MROH9: variants seen among roughly 807,000 people sequenced by gnomAD.
The protein encoded by MROH9 is maestro heat like repeat family member 9, also known as maestro heat-like repeat-containing protein family member 9.
MROH9 carries 92 observed loss-of-function variants against 98.2 expected under a neutral mutation model. The ratio of observed to expected loss-of-function variants is 0.94; its 90% confidence interval spans 0.79 to 1.11. The LOEUF is 1.11. MROH9 is among the 50% of genes most tolerant of loss of function. The pLI is 0.00. For missense variants in MROH9, 1,057 were observed against 1,014.8 expected (o/e 1.04, Z -0.57); for synonymous variants, 397 against 368.9 (o/e 1.08, Z -0.87).
In MROH9 at chr1:171,016,470, A is replaced by G. The variant is rs895191277; in HGVS notation, c.1908+134A>G. The G allele has an allele frequency of 1.0e-4, 67 of 647,020 alleles. 1 individual carries two copies. The African/African-American group carries it at 1.2e-3, about 12-fold the overall frequency. The allele number at this position is 647,020 out of a possible 1,614,324, so 40.1% of individuals were successfully genotyped here. A position where few individuals can be genotyped will look rare whatever the true frequency, so the allele number is the denominator to read the frequency against. On this transcript the variant is annotated intron_variant, in intron 17 of 21. Coordinates refer to ENST00000367759, the MANE Select transcript of MROH9 (RefSeq NM_001163629.2). Reference sequence around the variant, plus strand: ...CACCATTTCTTTTACAGAGATAAAAATATTAGGTAAGTACTGGTCTTTTTT... The same window carrying G: ...CACCATTTCTTTTACAGAGATAAAAGTATTAGGTAAGTACTGGTCTTTTTT...
intron 2 of MROH9, 47 bp downstream of exon 2, chr1:170,945,628 A>G (rs1001021524): frequency 1.3e-6 from 2 of 1,555,444 alleles, no homozygotes; most frequent in Middle Eastern, 3.4e-4. Flanking sequence ...ATTTTTGTGT[A>G]TATGTGTGTG....
At chr1:170,963,011 T>A (rs545362041) in intron 6 of MROH9, among the ~76,000 whole-genome samples, 1 of 152,202 alleles carries the variant, frequency 6.6e-6, no homozygotes, top group African/African-American at 2.4e-5. Context: ...GAAGAGCTTC[T>A]GCCCAGCGAA....
At chr1:171,009,162 G>A (rs1417293909) in intron 15 of MROH9, among the ~76,000 whole-genome samples, 1 of 151,874 alleles carries the variant, frequency 6.6e-6, no homozygotes, top group Non-Finnish European at 1.5e-5. Context: ...GGATAGGGAT[G>A]GAAATGAGAC....
At chr1:171,040,870 AT>A (rs1653272948) in intron 20 of MROH9, among the ~76,000 whole-genome samples, 2 of 152,054 alleles carry the variant, frequency 1.3e-5, no homozygotes, top group Admixed American at 6.6e-5. Context: ...TCAATTGAAT[AT>A]TTTGGCTGAC....
intron 20 of MROH9, among the ~76,000 whole-genome samples, chr1:171,026,302 T>C (rs1203964024): frequency 6.6e-6 from 1 of 150,438 alleles, no homozygotes; most frequent in Non-Finnish European, 1.5e-5. Flanking sequence ...TAAGACAGAA[T>C]CTTGCTCTGT....
At chr1:171,062,995 A>G (rs971428696) in intron 21 of MROH9, among the ~76,000 whole-genome samples, 2 of 151,950 alleles carry the variant, frequency 1.3e-5, no homozygotes, top group Non-Finnish European at 2.9e-5. Context: ...TCACTCATCC[A>G]TTCATTCATT....
chr1:170,970,523 G>A (rs74123652), intron 7 of MROH9, among the ~76,000 whole-genome samples: 1,900 of 152,186 alleles, frequency 0.012, 30 homozygotes, highest in African/African-American at 0.043. Context: ...TAAGGGGAAG[G>A]ACCAGGCCAC....
rs1553219583 is a variant in MROH9, at chr1:171,024,303, G to GTGTGT, written c.1909-92_1909-91insTGTGT. Reference sequence around the variant, plus strand: ...ATACATATATAGTATATTTATATGGGGTGTGTGTGTGTGTGTGTGTGTGTG... The same window carrying GTGTGT: ...ATACATATATAGTATATTTATATGGGTGTGTGTGTGTGTGTGTGTGTGTGTGTGTG... On this transcript the variant is annotated intron_variant, in intron 17 of 21. Coordinates refer to ENST00000367759, the MANE Select transcript of MROH9 (RefSeq NM_001163629.2). The GTGTGT allele has an allele frequency of 4.0e-3, 2,685 of 669,734 alleles. 35 individuals carry two copies. In the African/African-American group the frequency reaches 0.041, roughly 10 times the overall value. 41.5% of individuals were successfully genotyped at this position (669,734 alleles called of 1,614,324 possible). A position where few individuals can be genotyped will look rare whatever the true frequency, so the allele number is the denominator to read the frequency against.
At position 171,016,329 on chromosome 1, in the gene MROH9, T is replaced by A; in HGVS notation, c.1901T>A (p.Met634Lys). 1 of 1,501,178 alleles carries A rather than the reference T, an allele frequency of 6.7e-7. No homozygotes were observed. Among genetic ancestry groups the A allele is most frequent in the Non-Finnish European group, 8.9e-7 (1 of 1,124,328 alleles). The allele number at this position is 1,501,178 out of a possible 1,614,324, so 93.0% of individuals were successfully genotyped here. Reference sequence around the variant, plus strand: ...ATTGGTTCCAGCTACTGTACTCTGATGGATCATGTGAGTTACACAGTTAGA... The same window carrying A: ...ATTGGTTCCAGCTACTGTACTCTGAAGGATCATGTGAGTTACACAGTTAGA... Reference protein sequence around the residue: ...TRIGSSYCTLMDHINGGIRSM... With the variant: ...TRIGSSYCTLKDHINGGIRSM... Residue 634 changes from methionine to lysine, a missense_variant, in exon 17 of 22, where the codon ATG becomes AAG. By Grantham distance (95) the Met-to-Lys change is moderately conservative (BLOSUM62 -1). Transcript: ENST00000367759.
chr1:170,945,175 T>C (rs1649276962), intron 1 of MROH9, among the ~76,000 whole-genome samples: 1 of 152,010 alleles, frequency 6.6e-6, no homozygotes, highest in East Asian at 1.9e-4. Context: ...TAATAGGTTC[T>C]TCAATCTGAC....
intron 20 of MROH9, among the ~76,000 whole-genome samples, chr1:171,041,624 TTAA>T (rs1419741651): frequency 6.6e-6 from 1 of 151,770 alleles, no homozygotes; most frequent in Non-Finnish European, 1.5e-5. Context: ...AGTTCTATTT[TTAA>T]TTATTTGAGA....
chr1:170,953,745 A>AAGAAAAGAAT (rs1649645001), intron 3 of MROH9, among the ~76,000 whole-genome samples: 1 of 151,316 alleles, frequency 6.6e-6, no homozygotes, highest in African/African-American at 2.4e-5. Flanking sequence ...AAGAAAAGAA[A>AAGAAAAGAAT]AGAAAAGAAA....
chr1:170,945,716 A>G (rs1649305683), intron 2 of MROH9, 135 bp downstream of exon 2: 1 of 698,174 alleles, frequency 1.4e-6, no homozygotes, highest in African/African-American at 1.9e-5. Flanking sequence ...TTTTTTCCCT[A>G]ATGCCCGTAG....
intron 20 of MROH9, among the ~76,000 whole-genome samples, chr1:171,058,632 G>A (rs1259417492): frequency 6.6e-6 from 1 of 152,098 alleles, no homozygotes; most frequent in Non-Finnish European, 1.5e-5. Flanking sequence ...ACATGGTACT[G>A]GTACAAAAAC....
intron 20 of MROH9, among the ~76,000 whole-genome samples, chr1:171,032,362 C>T (rs937700751): frequency 1.3e-5 from 2 of 152,138 alleles, no homozygotes; most frequent in African/African-American, 2.4e-5. Context: ...GGCACTCTGG[C>T]CTTTTGGGTT....
At chr1:170,939,053 A>C (rs1455118930) in intron 1 of MROH9, among the ~76,000 whole-genome samples, 7 of 152,222 alleles carry the variant, frequency 4.6e-5, no homozygotes, top group Non-Finnish European at 8.8e-5. Context: ...GGGTCATCCT[A>C]TCTGCTTGAT....
chr1:170,945,486 TG>T, intron 1 of MROH9, 33 bp from the exon 2 acceptor site: 1 of 1,509,388 alleles, frequency 6.6e-7, no homozygotes, highest in Non-Finnish European at 9.2e-7. Context: ...GGAAAGTTTC[TG>T]GTTTATGTAC....
chr1:171,041,404 T>TACAC (rs1181791185), intron 20 of MROH9, among the ~76,000 whole-genome samples: 7 of 32,440 alleles, frequency 2.2e-4, no homozygotes, highest in South Asian at 5.5e-3. Flanking sequence ...TTGGTCAAGA[T>TACAC]ACATACACAC....
intron 20 of MROH9, among the ~76,000 whole-genome samples, chr1:171,056,446 T>C (rs1653839631): frequency 6.6e-6 from 1 of 152,066 alleles, no homozygotes; most frequent in Non-Finnish European, 1.5e-5. Flanking sequence ...CTGCAGGAAA[T>C]CCAACAACTC....
Sources: gnomAD v4.1 joint callset for allele counts (sites outside exome capture counted in the v4.1 genomes callset) on GRCh38, gnomAD v4.1.1 for gene constraint, MANE v1.5 for transcripts, NCBI Gene and HGNC (gene_info 2026-07-23, HGNC 2026-07-21) for gene names.